Variants in LRMDA observed in about 807,000 individuals in gnomAD.
The protein encoded by LRMDA is leucine rich melanocyte differentiation associated.
A neutral mutation model predicts 29.8 loss-of-function variants in LRMDA; 18 were observed. The ratio of observed to expected loss-of-function variants is 0.60; its 90% CI spans 0.42 to 0.90. The LOEUF (loss-of-function observed/expected upper bound fraction) is 0.90. Ranked by LOEUF, LRMDA falls within the 40% of genes least tolerant of loss-of-function variation. The probability of loss-of-function intolerance (pLI) is 0.00; values close to 1 mark genes in which losing one functional copy is unlikely to be tolerated. For missense variants in LRMDA, 273 were observed against 273.9 expected, an observed-to-expected ratio of 1.00 and a Z score of 0.02; for synonymous variants, 125 against 109.4, an observed-to-expected ratio of 1.14 and a Z score of -0.89.
At chr10:76,524,785 G>A (rs1843157438) in intron 6 of LRMDA, among the ~76,000 whole-genome samples, 1 of 152,218 alleles carries the variant, frequency 6.6e-6, no homozygotes, top group Non-Finnish European at 1.5e-5. Flanking sequence ...CAGTGGCAGT[G>A]CCATCTCGCT....
chr10:75,742,141 T>C (rs1439725512), intron 2 of LRMDA, among the ~76,000 whole-genome samples: 1 of 152,180 alleles, frequency 6.6e-6, no homozygotes, highest in East Asian at 1.9e-4. Context: ...GATACGTGCA[T>C]TATAGGCAGG....
intron 6 of LRMDA, among the ~76,000 whole-genome samples, chr10:76,489,595 G>T (rs775354752): frequency 6.6e-6 from 1 of 151,308 alleles, no homozygotes; most frequent in South Asian, 2.1e-4. Flanking sequence ...TCTTTAAGAC[G>T]CATCCTTAGG....
At chr10:75,996,058 C>T (rs1847456319) in intron 2 of LRMDA, among the ~76,000 whole-genome samples, 1 of 152,156 alleles carries the variant, frequency 6.6e-6, no homozygotes, top group African/African-American at 2.4e-5. Flanking sequence ...AAGTTAAGCA[C>T]AATTTAAAAG....
intron 2 of LRMDA, among the ~76,000 whole-genome samples, chr10:75,455,127 C>G (rs1244032219): frequency 3.3e-5 from 5 of 152,172 alleles, no homozygotes; most frequent in Non-Finnish European, 5.9e-5. Flanking sequence ...GGTGGTCTTT[C>G]TTTAGGGTCT....
chr10:75,484,090 G>C (rs1554893512), intron 2 of LRMDA, among the ~76,000 whole-genome samples: 1 of 151,814 alleles, frequency 6.6e-6, no homozygotes, highest in Non-Finnish European at 1.5e-5. Flanking sequence ...CAAGTAGCTG[G>C]GACTACAGGC....
intron 2 of LRMDA, among the ~76,000 whole-genome samples, chr10:75,983,332 T>C (rs7096129): frequency 0.25 from 38,590 of 152,156 alleles, 5,256 homozygotes; most frequent in South Asian, 0.43. Flanking sequence ...TCATTTCTCA[T>C]TTACTGCATT....
intron 6 of LRMDA, among the ~76,000 whole-genome samples, chr10:76,476,228 A>G (rs1366591066): frequency 6.6e-6 from 1 of 152,166 alleles, no homozygotes; most frequent in Non-Finnish European, 1.5e-5. Context: ...ATCACCACCG[A>G]TCCCACAGAA....
intron 2 of LRMDA, among the ~76,000 whole-genome samples, chr10:75,717,309 C>A (rs1270779484): frequency 3.3e-5 from 5 of 152,230 alleles, no homozygotes; most frequent in Non-Finnish European, 7.3e-5. Context: ...CTCAGTGACT[C>A]ATGGTTGAGG....
intron 6 of LRMDA, among the ~76,000 whole-genome samples, chr10:76,387,051 G>A (rs995251248): frequency 6.6e-6 from 1 of 152,122 alleles, no homozygotes; most frequent in African/African-American, 2.4e-5. Context: ...ATAAATGTTA[G>A]GGCACAATGA....
chr10:75,571,192 C>T (rs1840432946), intron 2 of LRMDA, among the ~76,000 whole-genome samples: 1 of 152,150 alleles, frequency 6.6e-6, no homozygotes, highest in South Asian at 2.1e-4. Flanking sequence ...TGGTTACTGA[C>T]TTAGTGTAGT....
At chr10:76,363,131 AAG>A (rs1841333095) in intron 6 of LRMDA, among the ~76,000 whole-genome samples, 1 of 26,954 alleles carries the variant, frequency 3.7e-5, no homozygotes, top group African/African-American at 1.7e-4. Flanking sequence ...GAAAGAAAGA[AAG>A]AAAGAAAGAA....
chr10:76,033,907 G>A (rs1196590401), intron 2 of LRMDA, among the ~76,000 whole-genome samples: 14 of 151,880 alleles, frequency 9.2e-5, no homozygotes, highest in Non-Finnish European at 1.5e-4. Flanking sequence ...TCATGGGCCC[G>A]TCCCCTGCAT....
At chr10:76,306,770 A>T (rs1187173763) in intron 5 of LRMDA, among the ~76,000 whole-genome samples, 2 of 152,222 alleles carry the variant, frequency 1.3e-5, no homozygotes, top group African/African-American at 4.8e-5. Context: ...TTGTTCCCAG[A>T]GGACTTCCTC....
chr10:76,244,802 G>T (rs1339062833), intron 5 of LRMDA, among the ~76,000 whole-genome samples: 1 of 152,206 alleles, frequency 6.6e-6, no homozygotes, highest in Non-Finnish European at 1.5e-5. Flanking sequence ...GCAGGCTGGG[G>T]AAGTCAGTGT....
At chr10:76,406,614 G>T (rs1262054956) in intron 6 of LRMDA, among the ~76,000 whole-genome samples, 1 of 152,118 alleles carries the variant, frequency 6.6e-6, no homozygotes, top group Non-Finnish European at 1.5e-5. Flanking sequence ...TGCCTCTGTG[G>T]CTGTCATGGG....
At chr10:75,979,559 G>T (rs1456327958) in intron 2 of LRMDA, among the ~76,000 whole-genome samples, 2 of 152,148 alleles carry the variant, frequency 1.3e-5, no homozygotes, top group East Asian at 3.8e-4. Flanking sequence ...CTAGGATAGG[G>T]TTAAGTAATT....
rs201129632 is a variant in LRMDA, at chr10:75,567,140, ATTAG to A, written c.131+128650_131+128653del. 3.1e-3 allele frequency among the ~76,000 whole-genome samples: 470 copies of A among 151,586 alleles called. 4 individuals carry two copies. In the Middle Eastern group the frequency reaches 0.055, roughly 18 times the overall value. On this transcript the variant is annotated intron_variant, in intron 2 of 6. Coordinates refer to ENST00000611255, the MANE Select transcript of LRMDA (RefSeq NM_001305581.2). ...CTCTCTCTCTCTCTTGTCCTCTGCTATTAGTTATTTTTTTTTCTTCTAGATATTC... is the reference window on the plus strand; with the variant it reads ...CTCTCTCTCTCTCTTGTCCTCTGCTATTATTTTTTTTTCTTCTAGATATTC...
chr10:76,240,983 C>G (rs573776624), intron 5 of LRMDA, among the ~76,000 whole-genome samples: 39 of 151,778 alleles, frequency 2.6e-4, no homozygotes, highest in Admixed American at 2.1e-3. Context: ...GAACTGGAGA[C>G]CATTATTCTA....
At chr10:75,524,606 C>A (rs1170952612) in intron 2 of LRMDA, among the ~76,000 whole-genome samples, 3 of 152,064 alleles carry the variant, frequency 2.0e-5, no homozygotes, top group Non-Finnish European at 4.4e-5. Flanking sequence ...GTATAGATCA[C>A]CCTAATGGAG....
Sources: gnomAD v4.1 joint callset for allele counts (sites outside exome capture counted in the v4.1 genomes callset) on GRCh38, gnomAD v4.1.1 for gene constraint, MANE v1.5 for transcripts, NCBI Gene and HGNC (gene_info 2026-07-23, HGNC 2026-07-21) for gene names.